Variants in INPP4B observed in about 807,000 individuals in gnomAD.
INPP4B encodes inositol polyphosphate-4-phosphatase type II B, also known as inositol polyphosphate 4-phosphatase type II.
Under a neutral mutation model 122.5 loss-of-function variants are expected in INPP4B, and 55 were observed. That is an observed-to-expected ratio of 0.45 (90% confidence interval 0.36 to 0.56). The LOEUF (loss-of-function observed/expected upper bound fraction) is 0.56. Ranked by LOEUF, INPP4B falls within the 20% of genes least tolerant of loss-of-function variation. INPP4B has a pLI of 0.00. For missense variants in INPP4B, 1,000 were observed against 1,097.7 expected (o/e 0.91, Z 1.26); for synonymous variants, 403 against 388.7 (o/e 1.04, Z -0.43).
At chr4:142,343,725 T>C (rs1779408225) in intron 7 of INPP4B, among the ~76,000 whole-genome samples, 1 of 152,086 alleles carries the variant, frequency 6.6e-6, no homozygotes, top group Non-Finnish European at 1.5e-5. Flanking sequence ...AGTTTAATAG[T>C]TAGCTATTAG....
At position 142,295,483 on chromosome 4, in the gene INPP4B, A is replaced by C. The variant is rs1758298686; in HGVS notation, c.503+9975T>G. On this transcript the variant is annotated intron_variant, in intron 9 of 25. Transcript: ENST00000262992. ...CTTATGGCAGAAAATACACATAGAC[A>C]ACCACTCACACATTTCTTTGAAAAA... 2.0e-5 allele frequency among the ~76,000 whole-genome samples: 3 copies of C among 152,216 alleles called. No homozygotes were observed. The South Asian group carries it at 6.2e-4, about 32-fold the overall frequency.
At chr4:142,769,432 C>T (rs1772679464) in intron 1 of INPP4B, among the ~76,000 whole-genome samples, 1 of 152,132 alleles carries the variant, frequency 6.6e-6, no homozygotes, top group Admixed American at 6.5e-5. Context: ...TTTTAGTAAA[C>T]TATAACTAAG....
At chr4:142,319,691 A>G (rs1211844630) in intron 7 of INPP4B, among the ~76,000 whole-genome samples, 3 of 152,154 alleles carry the variant, frequency 2.0e-5, no homozygotes, top group Non-Finnish European at 4.4e-5. Flanking sequence ...TCTTCTTCCA[A>G]TGGCCATACA....
chr4:142,419,334 G>A (rs1376828559), intron 5 of INPP4B, among the ~76,000 whole-genome samples: 1 of 152,122 alleles, frequency 6.6e-6, no homozygotes, highest in African/African-American at 2.4e-5. Context: ...ATTACCTAAA[G>A]CTGTGGGCCT....
intron 18 of INPP4B, among the ~76,000 whole-genome samples, chr4:142,139,331 T>G (rs931154526): frequency 1.3e-5 from 2 of 152,050 alleles, no homozygotes; most frequent in African/African-American, 4.8e-5. Context: ...ATTTTAGAGA[T>G]AGAGTCTCAC....
chr4:142,534,912 G>T (rs536368979), intron 2 of INPP4B, among the ~76,000 whole-genome samples: 1 of 151,848 alleles, frequency 6.6e-6, no homozygotes, highest in Non-Finnish European at 1.5e-5. Context: ...CTTTATTACA[G>T]GTATAGCACA....
chr4:142,278,481 G>GTT (rs1749675527), intron 9 of INPP4B, among the ~76,000 whole-genome samples: 1 of 151,866 alleles, frequency 6.6e-6, no homozygotes. Flanking sequence ...CAGCTCTCAA[G>GTT]TAGTCTTGCA....
intron 25 of INPP4B, among the ~76,000 whole-genome samples, chr4:142,081,245 G>T (rs1023527396): frequency 6.6e-6 from 1 of 152,150 alleles, no homozygotes; most frequent in Non-Finnish European, 1.5e-5. Context: ...GGAACCCAGA[G>T]CCTGTCCCAT....
intron 2 of INPP4B, among the ~76,000 whole-genome samples, chr4:142,484,719 C>T (rs1820997683): frequency 6.6e-6 from 1 of 151,908 alleles, no homozygotes; most frequent in South Asian, 2.1e-4. Context: ...AGGTATTAAG[C>T]CTAGTATCCA....
chr4:142,240,071 CTTT>C (rs397878976), intron 11 of INPP4B, among the ~76,000 whole-genome samples: 13 of 132,484 alleles, frequency 9.8e-5, no homozygotes, highest in Admixed American at 3.1e-4. Context: ...TTATTGTTTT[CTTT>C]TTTTTTTTTT....
intron 2 of INPP4B, among the ~76,000 whole-genome samples, chr4:142,617,011 G>C (rs1029073684): frequency 2.0e-5 from 3 of 151,782 alleles, no homozygotes; most frequent in African/African-American, 7.3e-5. Context: ...TTGGGTGATG[G>C]GCACACTAAA....
At chr4:142,774,287 A>T (rs1385537367) in intron 1 of INPP4B, among the ~76,000 whole-genome samples, 1 of 142,924 alleles carries the variant, frequency 7.0e-6, no homozygotes, top group Non-Finnish European at 1.5e-5. Context: ...TGAGATGAAG[A>T]CACCTTCGGG....
intron 18 of INPP4B, among the ~76,000 whole-genome samples, chr4:142,134,800 A>G (rs1803206558): frequency 8.5e-6 from 1 of 118,248 alleles, no homozygotes; most frequent in African/African-American, 3.1e-5. Context: ...TCTGTCTCAA[A>G]AAAAAAAAAA....
At chr4:142,620,118 A>G (rs1387080703) in intron 2 of INPP4B, among the ~76,000 whole-genome samples, 1 of 152,072 alleles carries the variant, frequency 6.6e-6, no homozygotes, top group East Asian at 1.9e-4. Context: ...AAATTAAAAC[A>G]GAACTACCAT....
chr4:142,090,863 A>T (rs940572709), intron 23 of INPP4B, among the ~76,000 whole-genome samples: 1 of 152,226 alleles, frequency 6.6e-6, no homozygotes, highest in Admixed American at 6.5e-5. Flanking sequence ...TAATATAAGT[A>T]AAAAGGATAC....
At chr4:142,159,629 T>TTG (rs369976265) in intron 17 of INPP4B, among the ~76,000 whole-genome samples, 1 of 151,758 alleles carries the variant, frequency 6.6e-6, no homozygotes, top group Non-Finnish European at 1.5e-5. Flanking sequence ...AGATTTCCCT[T>TTG]TGTGTGTGTG....
chr4:142,738,094 C>G (rs990457177), intron 1 of INPP4B, among the ~76,000 whole-genome samples: 10 of 152,152 alleles, frequency 6.6e-5, no homozygotes, highest in African/African-American at 2.2e-4. Flanking sequence ...TTTGACCCAG[C>G]CATCCCATTA....
rs760688459 is a variant in INPP4B, at chr4:142,245,639, T to G, written c.689-7628A>C. Among the ~76,000 whole-genome samples the G allele has an allele frequency of 7.6e-4, 116 of 152,070 alleles. 1 individual carries two copies. Among genetic ancestry groups the G allele is most frequent in the Non-Finnish European group, 1.1e-3 (73 of 68,014 alleles). On this transcript the variant is annotated intron_variant, in intron 11 of 25. Coordinates refer to ENST00000262992, the MANE Select transcript of INPP4B (RefSeq NM_001101669.3). ...GAGGAGTCCCTCTTTTTCTGTTGTT[T>G]GCAATAGTTCCAGAAGGAATGGTAC...
intron 1 of INPP4B, among the ~76,000 whole-genome samples, chr4:142,792,144 T>C (rs1034144459): frequency 6.6e-6 from 1 of 152,050 alleles, no homozygotes; most frequent in African/African-American, 2.4e-5. Context: ...CCACAGCTAC[T>C]TGGAAGCCTG....
Sources: allele counts gnomAD v4.1 joint callset (sites outside exome capture counted in the v4.1 genomes callset), GRCh38; gene constraint gnomAD v4.1.1; transcripts MANE v1.5; gene names NCBI Gene and HGNC (gene_info 2026-07-23, HGNC 2026-07-21).